The following XPO6 variants were observed in gnomAD, a reference collection of about 807,000 sequenced individuals.
The protein encoded by XPO6 is exportin-6.
Under a neutral mutation model 130.0 loss-of-function variants are expected in XPO6, and 3 were observed. The ratio of observed to expected loss-of-function variants is 0.02; its 90% confidence interval spans 0.01 to 0.06. The LOEUF (loss-of-function observed/expected upper bound fraction) is 0.06. XPO6 is among the 10% of genes least tolerant of loss of function. XPO6 has a pLI of 1.00. For synonymous variants in XPO6, 524 were observed against 548.9 expected (o/e 0.95, Z 0.63); for missense variants, 970 against 1,393.0 (o/e 0.70, Z 4.83).
In XPO6 at chr16:28,101,459, C is replaced by G. The variant is rs760476887; in HGVS notation, c.3275G>C (p.Arg1092Pro). 1 of 1,613,804 alleles carries G rather than the reference C, an allele frequency of 6.2e-7. No individual in the cohort carries two copies. Among genetic ancestry groups the G allele is most frequent in the Non-Finnish European group, 8.5e-7 (1 of 1,179,710 alleles). Reference protein sequence around the residue: ...SVLGRNFKMDRDLPSFTQNVH... With the variant: ...SVLGRNFKMDPDLPSFTQNVH... ...AGCCCGGCCTCTTTCTCTCCTCACCCGATCCATCTTGAAATTCCGCCCCAG... is the reference window on the plus strand; with the variant it reads ...AGCCCGGCCTCTTTCTCTCCTCACCGGATCCATCTTGAAATTCCGCCCCAG... Residue 1092 changes from arginine (R) to proline (P), a missense_variant and splice_region_variant, in exon 23 of 24, where the codon CGG becomes CCG. Arg to Pro is a moderately radical substitution (Grantham distance 103). Transcript: ENST00000304658. This position sits in a 1 kb window ranked among gnomAD's most constrained non-coding sequence, Gnocchi z 5.4.
At chr16:28,129,995 A>G (rs2042633634) in intron 12 of XPO6, among the ~76,000 whole-genome samples, 1 of 152,208 alleles carries the variant, frequency 6.6e-6, no homozygotes, top group South Asian at 2.1e-4. Context: ...GAAAAGACAG[A>G]GGGAGCAAAG....
intron 11 of XPO6, 149 bp downstream of exon 11, chr16:28,133,692 T>A (rs2042719612): frequency 1.4e-6 from 1 of 701,866 alleles, no homozygotes; most frequent in East Asian, 2.9e-5. Context: ...TTTGTTCAGT[T>A]TGAGCATCAC....
intron 9 of XPO6, among the ~76,000 whole-genome samples, chr16:28,140,068 C>G (rs529478622): frequency 3.2e-4 from 49 of 151,976 alleles, no homozygotes; most frequent in South Asian, 8.3e-4. Flanking sequence ...CCTGTCTCTA[C>G]TAAAAATACA....
chr16:28,197,962 A>ATT (rs1204545717), intron 1 of XPO6, among the ~76,000 whole-genome samples: 1,100 of 90,874 alleles, frequency 0.012, 19 homozygotes, highest in Non-Finnish European at 0.02. Flanking sequence ...ATCTAAGTTT[A>ATT]TTAAAAAAAA....
intron 4 of XPO6, 110 bp downstream of exon 4, chr16:28,175,788 C>G (rs2043525365): frequency 1.2e-6 from 1 of 855,114 alleles, no homozygotes; most frequent in Admixed American, 2.3e-5. Flanking sequence ...AATAACCTCA[C>G]TACTGCAGTT....
At chr16:28,169,260 C>T (rs1408023454) in intron 5 of XPO6, among the ~76,000 whole-genome samples, 5 of 152,158 alleles carry the variant, frequency 3.3e-5, no homozygotes, top group Non-Finnish European at 7.3e-5. Flanking sequence ...CCCTTTACAC[C>T]TTGTCATGAG....
intron 12 of XPO6, among the ~76,000 whole-genome samples, chr16:28,130,572 A>C (rs963707801): frequency 6.6e-6 from 1 of 152,090 alleles, no homozygotes; most frequent in African/African-American, 2.4e-5. Context: ...TGGATGAGAG[A>C]GCTCGTTTTA....
intron 1 of XPO6, among the ~76,000 whole-genome samples, chr16:28,185,084 A>C (rs776271363): frequency 6.6e-6 from 1 of 152,268 alleles, no homozygotes; most frequent in Non-Finnish European, 1.5e-5. Flanking sequence ...ATTATAAGAC[A>C]ACAGGAATTA....
intron 20 of XPO6, chr16:28,105,742 A>T (rs2086761671): frequency 3.1e-6 from 1 of 317,512 alleles, no homozygotes; most frequent in African/African-American, 2.1e-5. Context: ...CATATGTTAG[A>T]ATGTTTGCTA....
At chr16:28,168,699 T>G (rs1299773043) in intron 5 of XPO6, among the ~76,000 whole-genome samples, 1 of 150,888 alleles carries the variant, frequency 6.6e-6, no homozygotes, top group Admixed American at 6.6e-5. Context: ...ACTCCTGAGC[T>G]CAAGCAATTC....
intron 1 of XPO6, among the ~76,000 whole-genome samples, chr16:28,210,260 C>T (rs1414625100): frequency 6.6e-6 from 1 of 152,214 alleles, no homozygotes; most frequent in Non-Finnish European, 1.5e-5. Context: ...TACCCACAGG[C>T]CCCTTGAATG....
At chr16:28,206,988 T>A (rs9928669) in intron 1 of XPO6, among the ~76,000 whole-genome samples, 2,429 of 152,280 alleles carry the variant, frequency 0.016, 36 homozygotes, top group African/African-American at 0.047. Context: ...GGCTCCCACC[T>A]GTAATCCTAG....
intron 1 of XPO6, among the ~76,000 whole-genome samples, chr16:28,187,103 G>A (rs2141882101): frequency 6.6e-6 from 1 of 152,248 alleles, no homozygotes; most frequent in African/African-American, 2.4e-5. Context: ...TCAAAGGGGT[G>A]ATTTGGGTTT....
At position 28,125,774 on chromosome 16, in the gene XPO6, G is replaced by T. The variant is rs774876614; in HGVS notation, c.1681C>A (p.Leu561Met). Residue 561 changes from leucine to methionine, a missense_variant, in exon 13 of 24, where the codon CTG becomes ATG. Leu to Met is a conservative substitution (Grantham distance 15). This residue lies in a region of XPO6 where 936 missense variants were observed against 1,306.8 expected (regional missense o/e 0.72). Coordinates refer to ENST00000304658, the MANE Select transcript of XPO6 (RefSeq NM_015171.4). ...TCGGCCAGGCGGCCCACGGCCTGCAGCAGGGAGCTCAAGTCTCTCAGGGAG... is the reference window on the plus strand; with the variant it reads ...TCGGCCAGGCGGCCCACGGCCTGCATCAGGGAGCTCAAGTCTCTCAGGGAG... ...HCSLRDLSSL[L>M]QAVGRLAEYF... is the part of the protein sequence containing the mutation. 1.2e-6 allele frequency: 2 copies of T among 1,614,224 alleles called. No individual in the cohort carries two copies. The highest frequency in any genetic ancestry group is 1.1e-5 in the South Asian group (1 of 91,090).
At chr16:28,211,271 A>T in intron 1 of XPO6, 95 bp downstream of exon 1, 1 of 1,233,792 alleles carries the variant, frequency 8.1e-7, no homozygotes. Context: ...TCTCCCCGCC[A>T]TGGGGAGAGC....
chr16:28,107,173 CA>C (rs1426116454), intron 18 of XPO6, among the ~76,000 whole-genome samples: 1 of 152,220 alleles, frequency 6.6e-6, no homozygotes, highest in Middle Eastern at 3.2e-3. Context: ...AGTACATCCA[CA>C]GAGCTAGAGA....
chr16:28,165,175 C>T (rs1414464418), intron 6 of XPO6: 3 of 152,206 alleles, frequency 2.0e-5, no homozygotes, highest in Non-Finnish European at 2.9e-5. Context: ...TGTGATCACA[C>T]CACTGCACTC....
At position 28,169,872 on chromosome 16, in the gene XPO6, A is replaced by G. The variant is rs753198720; in HGVS notation, c.443T>C (p.Ile148Thr). The G allele has an allele frequency of 1.2e-6, 2 of 1,614,056 alleles. No individual in the cohort carries two copies. Among genetic ancestry groups the G allele is most frequent in the Non-Finnish European group, 1.7e-6 (2 of 1,180,006 alleles). ...QSPVTTPLGL[I>T]MLKTTSEELA... Reference sequence around the variant, plus strand: ...CTCTTCTGAAGTTGTCTTCAACATGATCAGCCCAAGGGGGGTTGTCACAGG... The same window carrying G: ...CTCTTCTGAAGTTGTCTTCAACATGGTCAGCCCAAGGGGGGTTGTCACAGG... The change falls in exon 5 of 24, where the codon ATC becomes ACC. Residue 148 changes from isoleucine (I) to threonine (T), a missense_variant. Physicochemically the swap from Ile to Thr is moderately conservative, Grantham distance 89. Coordinates refer to ENST00000304658, the MANE Select transcript of XPO6 (RefSeq NM_015171.4).
intron 1 of XPO6, among the ~76,000 whole-genome samples, chr16:28,204,923 G>A (rs569135808): frequency 7.9e-5 from 12 of 152,254 alleles, no homozygotes; most frequent in African/African-American, 2.9e-4. Flanking sequence ...AATGCCAGGC[G>A]TGGGGACTCA....
Sources: gnomAD v4.1 joint callset for allele counts (sites outside exome capture counted in the v4.1 genomes callset) on GRCh38, gnomAD v4.1.1 for gene constraint, gnomAD v4.1.1 regional missense constraint, Gnocchi (gnomAD v3.1) non-coding constraint, MANE v1.5 for transcripts, NCBI Gene and HGNC (gene_info 2026-07-23, HGNC 2026-07-21) for gene names.